Variants in FANCI observed in about 807,000 individuals in gnomAD.
The protein encoded by FANCI is FA complementation group I, also known as Fanconi anemia group I protein.
FANCI carries 156 observed loss-of-function variants against 176.1 expected under a neutral mutation model. The ratio of observed to expected loss-of-function variants is 0.89; its 90% confidence interval spans 0.78 to 1.01. The LOEUF (loss-of-function observed/expected upper bound fraction) is 1.01, where lower values mean the gene tolerates loss of function less well. Ranked by LOEUF, FANCI falls within the 50% of genes least tolerant of loss-of-function variation. The pLI is 0.00. For synonymous variants in FANCI, 613 were observed against 541.7 expected, an observed-to-expected ratio of 1.13 and a Z score of -1.83; for missense variants, 1,678 against 1,534.1, an observed-to-expected ratio of 1.09 and a Z score of -1.57.
At chr15:89,315,449 T>C in intron 37 of FANCI, 60 bp downstream of exon 37, 1 of 1,193,378 alleles carries the variant, frequency 8.4e-7, no homozygotes, top group Non-Finnish European at 1.2e-6. Context: ...GCAGCCTATC[T>C]GGGAGCAGTC....
At chr15:89,305,473 A>G (rs2054682141) in intron 30 of FANCI, 64 bp downstream of exon 30, 4 of 1,611,464 alleles carry the variant, frequency 2.5e-6, no homozygotes, top group Non-Finnish European at 3.4e-6. Flanking sequence ...CTCCATGTGA[A>G]GTGACTTGTG....
chr15:89,280,145 G>C (rs1285602945), intron 14 of FANCI, among the ~76,000 whole-genome samples: 1 of 152,080 alleles, frequency 6.6e-6, no homozygotes. Flanking sequence ...CCTCAGCCTT[G>C]AGAGTAGCTG....
In FANCI at chr15:89,273,380, G is replaced by T. The variant is rs754986558; in HGVS notation, c.886G>T (p.Gly296Ter). Reference sequence around the variant, plus strand: ...CCTTTTGGTTGCTCTCTTCTAGGTAGGACAGCAAGGAGATTCCAATAATAA... The same window carrying T: ...CCTTTTGGTTGCTCTCTTCTAGGTATGACAGCAAGGAGATTCCAATAATAA... Reference protein sequence around the residue: ...GRELVKHLKVGQQGDSNNNLS... With the variant: ...GRELVKHLKV Residue 296 changes from glycine to a stop codon, truncating the protein, a stop_gained, in exon 11 of 38, where the codon GGA becomes TGA. Coordinates refer to ENST00000310775, the MANE Select transcript of FANCI (RefSeq NM_001113378.2). LOFTEE classifies it high-confidence loss of function. The T allele has an allele frequency of 3.8e-6, 6 of 1,562,214 alleles. No individual in the cohort carries two copies. Among genetic ancestry groups the T allele is most frequent in the Non-Finnish European group, 4.4e-6 (5 of 1,135,712 alleles).
chr15:89,316,368 G>A lies in FANCI; in HGVS notation c.3925-29G>A, dbSNP rs527807755. The A allele has an allele frequency of 6.1e-5, 98 of 1,600,706 alleles. 1 individual carries two copies. In the East Asian group the frequency reaches 9.9e-4, roughly 16 times the overall value. On this transcript the variant is annotated intron_variant, in intron 37 of 37. Transcript: ENST00000310775. ...CACTGCCTTGGAGCAGGTTTATCAC[G>A]TTAGAGCATTAATTCTTTCCCCTTC...
At chr15:89,310,956 C>T (rs1212066560) in intron 34 of FANCI, among the ~76,000 whole-genome samples, 4 of 152,056 alleles carry the variant, frequency 2.6e-5, no homozygotes, top group African/African-American at 4.8e-5. Context: ...AATCCCGTCT[C>T]AACTAAAGAT....
chr15:89,287,984 C>T (rs1410406441), intron 18 of FANCI, among the ~76,000 whole-genome samples: 1 of 152,110 alleles, frequency 6.6e-6, no homozygotes, highest in Non-Finnish European at 1.5e-5. Flanking sequence ...ATGAGAATTA[C>T]CAAAATGTGA....
chr15:89,308,715 C>T (rs558891431), intron 34 of FANCI, among the ~76,000 whole-genome samples: 9 of 152,152 alleles, frequency 5.9e-5, no homozygotes, highest in East Asian at 3.9e-4. Flanking sequence ...GAGGCCGAGG[C>T]GGGTGGATCA....
intron 13 of FANCI, 57 bp downstream of exon 13, chr15:89,276,948 C>T (rs2053431973): frequency 1.3e-6 from 2 of 1,581,290 alleles, no homozygotes; most frequent in Admixed American, 1.7e-5. Context: ...CCAAGTAGGG[C>T]TTGGCATTTG....
chr15:89,296,972 C>A (rs1170432608), intron 24 of FANCI, among the ~76,000 whole-genome samples: 2 of 106,652 alleles, frequency 1.9e-5, no homozygotes, highest in African/African-American at 1.1e-4. Context: ...GGGGGGCTGA[C>A]CCCCCCCACC....
chr15:89,310,788 T>G (rs2054923458), intron 34 of FANCI, among the ~76,000 whole-genome samples: 1 of 152,218 alleles, frequency 6.6e-6, no homozygotes, highest in South Asian at 2.1e-4. Flanking sequence ...AAACCATTGC[T>G]GCAACTCTTA....
chr15:89,264,618 T>C lies in FANCI; in HGVS notation c.755+11T>C, dbSNP rs763895201. 8.1e-6 allele frequency: 13 copies of C among 1,604,184 alleles called. No individual in the cohort carries two copies. The highest frequency in any genetic ancestry group is 2.7e-5 in the African/African-American group (2 of 74,728). On this transcript the variant is annotated intron_variant, in intron 9 of 37. Transcript: ENST00000310775. ...ACAGAGTGGTGACGAGTGAGTAATATAGTGTAGAAATAAAGATCATTTTTA... is the reference window on the plus strand; with the variant it reads ...ACAGAGTGGTGACGAGTGAGTAATACAGTGTAGAAATAAAGATCATTTTTA...
In FANCI at chr15:89,305,179, T is replaced by G. The variant is rs778428421; in HGVS notation, c.3123T>G (p.Ser1041Arg). ...TCAGCCTGCATGTTTCGTATAAGAGTCCTGTCATTCTGCTGCGTGACTTGT... is the reference window on the plus strand; with the variant it reads ...TCAGCCTGCATGTTTCGTATAAGAGGCCTGTCATTCTGCTGCGTGACTTGT... Reference protein sequence around the residue: ...LLFSLHVSYKSPVILLRDLSQ... With the variant: ...LLFSLHVSYKRPVILLRDLSQ... Residue 1041 changes from serine (S) to arginine (R), a missense_variant, in exon 29 of 38, where the codon AGT (serine) becomes AGG (arginine). By Grantham distance (110) the Ser-to-Arg change is moderately radical. This residue lies in a region of FANCI where 1,204 missense variants were observed against 1,077.4 expected (regional missense o/e 1.12). Transcript: ENST00000310775. The G allele has an allele frequency of 1.2e-6, 2 of 1,614,168 alleles. No homozygotes were observed. Among genetic ancestry groups the G allele is most frequent in the Non-Finnish European group, 1.7e-6 (2 of 1,180,034 alleles).
intron 27 of FANCI, among the ~76,000 whole-genome samples, chr15:89,302,494 T>C (rs1386066196): frequency 1.3e-5 from 2 of 152,200 alleles, no homozygotes; most frequent in Non-Finnish European, 2.9e-5. Flanking sequence ...TTTTTCTTTT[T>C]TAAACTTTTA....
chr15:89,246,740 TTTC>T (rs1224989497), intron 1 of FANCI, among the ~76,000 whole-genome samples: 1 of 147,854 alleles, frequency 6.8e-6, no homozygotes, highest in East Asian at 2.0e-4. Flanking sequence ...CTTCTCAGCT[TTTC>T]TTTCTTTCTT....
chr15:89,307,512 A>G lies in FANCI; in HGVS notation c.3574A>G (p.Lys1192Glu). Residue 1192 changes from lysine (K) to glutamate (E), a missense_variant, in exon 33 of 38, where the codon AAA (lysine) becomes GAA (glutamate). Coordinates refer to ENST00000310775, the MANE Select transcript of FANCI (RefSeq NM_001113378.2). The stretch of plus-strand genomic sequence containing the variant: ...GTGTCAGAGCTCCGGAGGAATTCCA[A>G]AAAATATGGAAAAGCTGGTGAGTTG... ...QVCQSSGGIP[K>E]NMEKLVKLSG... The G allele has an allele frequency of 6.2e-7, 1 of 1,614,212 alleles. No individual in the cohort carries two copies. Among genetic ancestry groups the G allele is most frequent in the Non-Finnish European group, 8.5e-7 (1 of 1,180,042 alleles).
At position 89,309,000 on chromosome 15, in the gene FANCI, C is replaced by G. The variant is rs148252387; in HGVS notation, c.3651+1328C>G. Among the ~76,000 whole-genome samples, 736 of 151,230 alleles carry G rather than the reference C, an allele frequency of 4.9e-3. 3 individuals carry two copies. The highest frequency in any genetic ancestry group is 0.017 in the African/African-American group (704 of 41,258). ...CAAGTGGGCTGTCATCTGGGTTTAG[C>G]TGAAGGAGTTCTTAGTAATGGGCTG... On this transcript the variant is annotated intron_variant, in intron 34 of 37. Transcript: ENST00000310775.
chr15:89,286,571 A>G (rs1657709577), intron 18 of FANCI, among the ~76,000 whole-genome samples: 1 of 152,106 alleles, frequency 6.6e-6, no homozygotes. Context: ...TTTTCTGAGC[A>G]GTAGGTCTCA....
chr15:89,301,629 G>A lies in FANCI; in HGVS notation c.3006+187G>A, dbSNP rs12592110. ...TTTCCTGTGTAATGCGTCTACCACA[G>A]CATACTTACATGCAGCCATACAGGG... is the stretch of plus-strand genomic sequence containing the variant. On this transcript the variant is annotated intron_variant, in intron 27 of 37. Transcript: ENST00000310775. 0.38 allele frequency among the ~76,000 whole-genome samples: 57,307 copies of A among 152,046 alleles called. 10,956 individuals are homozygous for A. The highest frequency in any genetic ancestry group is 0.4 in the South Asian group (1,910 of 4,822).
intron 2 of FANCI, among the ~76,000 whole-genome samples, chr15:89,252,882 A>C (rs7174557): frequency 0.043 from 6,603 of 152,306 alleles, 453 homozygotes; most frequent in African/African-American, 0.15. Flanking sequence ...GAAAATGTCA[A>C]TTCTTCCAAA....
Sources: gnomAD v4.1 joint callset for allele counts (sites outside exome capture counted in the v4.1 genomes callset) on GRCh38, gnomAD v4.1.1 for gene constraint, gnomAD v4.1.1 regional missense constraint, MANE v1.5 for transcripts, NCBI Gene and HGNC (gene_info 2026-07-23, HGNC 2026-07-21) for gene names.